The following QKI variants were observed in gnomAD, a reference collection of about 807,000 sequenced individuals.
QKI encodes KH domain-containing RNA-binding protein QKI.
In QKI, 10 loss-of-function variants were observed where a neutral mutation model predicts 39.0. The ratio of observed to expected loss-of-function variants is 0.26; its 90% CI spans 0.16 to 0.43. The LOEUF (loss-of-function observed/expected upper bound fraction) is 0.43. QKI is among the 20% of genes least tolerant of loss of function. QKI has a pLI of 1.00. For synonymous variants in QKI, 204 were observed against 155.4 expected (o/e 1.31, Z -2.33); for missense variants, 218 against 428.0 (o/e 0.51, Z 4.33).
intron 3 of QKI, among the ~76,000 whole-genome samples, chr6:163,524,908 T>C (rs1264178960): frequency 6.6e-6 from 1 of 152,184 alleles, no homozygotes; most frequent in African/African-American, 2.4e-5. Context: ...TAAAACTCAT[T>C]GTAGCTCTGA....
intron 3 of QKI, among the ~76,000 whole-genome samples, chr6:163,527,001 G>T (rs1323120495): frequency 6.6e-6 from 1 of 152,018 alleles, no homozygotes; most frequent in East Asian, 1.9e-4. Context: ...AAATTATTTG[G>T]CAAAAAACAA....
At chr6:163,565,928 C>A in intron 6 of QKI, 1 of 1,612,860 alleles carries the variant, frequency 6.2e-7, no homozygotes, top group South Asian at 1.1e-5. Context: ...TTTTTAATTC[C>A]CTTCCTTTTA....
At chr6:163,542,582 G>A (rs1174341630) in intron 4 of QKI, among the ~76,000 whole-genome samples, 1 of 152,062 alleles carries the variant, frequency 6.6e-6, no homozygotes, top group African/African-American at 2.4e-5. Context: ...TCAGGCAACT[G>A]AAGTTCATTG....
chr6:163,554,711 A>G (rs1040970589), intron 4 of QKI, among the ~76,000 whole-genome samples: 5 of 152,166 alleles, frequency 3.3e-5, no homozygotes, highest in Admixed American at 2.0e-4. Flanking sequence ...ACATTGTTCA[A>G]TTTCTCCTTT....
intron 1 of QKI, chr6:163,423,740 A>G (rs912401423): frequency 6.6e-6 from 1 of 152,230 alleles, no homozygotes; most frequent in African/African-American, 2.4e-5. Flanking sequence ...TTTTTAGAGG[A>G]TTTCAGCTCA....
In QKI at chr6:163,534,822, T is replaced by A. The variant is rs189721973; in HGVS notation, c.403-160T>A. The stretch of plus-strand genomic sequence containing the variant: ...TTTGACCCAGTAGTCTCACATTCAA[T>A]CAAACTTTGAGGACCCAGAAAAATA... On this transcript the variant is annotated intron_variant, in intron 3 of 7. Coordinates refer to ENST00000361752, the MANE Select transcript of QKI (RefSeq NM_006775.3). 749 of 550,284 alleles carry A rather than the reference T, an allele frequency of 1.4e-3. 2 individuals are homozygous for A. The highest frequency in any genetic ancestry group is 2.0e-3 in the Non-Finnish European group (638 of 325,962). 34.1% of individuals were successfully genotyped at this position (550,284 alleles called of 1,614,324 possible).
At chr6:163,446,286 G>A (rs1458043706) in intron 1 of QKI, among the ~76,000 whole-genome samples, 1 of 152,052 alleles carries the variant, frequency 6.6e-6, no homozygotes, top group Non-Finnish European at 1.5e-5. Flanking sequence ...AATACATTGA[G>A]ATAATTCAAA....
intron 1 of QKI, among the ~76,000 whole-genome samples, chr6:163,454,584 C>T (rs1443602302): frequency 2.0e-5 from 3 of 152,110 alleles, no homozygotes; most frequent in Non-Finnish European, 2.9e-5. Context: ...TTCTTAGCTT[C>T]TATAACACCT....
chr6:163,421,210 A>T (rs1582951655), intron 1 of QKI, among the ~76,000 whole-genome samples: 1 of 152,220 alleles, frequency 6.6e-6, no homozygotes, highest in African/African-American at 2.4e-5. Context: ...CAACTTAAAA[A>T]CATGTCATGT....
At chr6:163,465,690 T>C (rs1380015629) in intron 2 of QKI, among the ~76,000 whole-genome samples, 2 of 151,734 alleles carry the variant, frequency 1.3e-5, no homozygotes, top group African/African-American at 4.8e-5. Flanking sequence ...ATTATCTTTA[T>C]TTGCAGTGGC....
At chr6:163,439,064 C>T (rs1247871975) in intron 1 of QKI, among the ~76,000 whole-genome samples, 2 of 152,112 alleles carry the variant, frequency 1.3e-5, no homozygotes, top group East Asian at 3.9e-4. Flanking sequence ...TAACCTAGGC[C>T]TGCACAGGGT....
chr6:163,465,464 T>C (rs555201569), intron 2 of QKI, among the ~76,000 whole-genome samples: 3 of 149,922 alleles, frequency 2.0e-5, no homozygotes, highest in African/African-American at 7.4e-5. Context: ...CTGTCTCTAC[T>C]AAAAAATACA....
At chr6:163,563,165 A>G (rs138883379) in intron 5 of QKI, among the ~76,000 whole-genome samples, 62 of 152,294 alleles carry the variant, frequency 4.1e-4, no homozygotes, top group African/African-American at 1.5e-3. Context: ...AATATAACCT[A>G]TTTAATGGTG....
chr6:163,492,297 G>A (rs1478309477), intron 3 of QKI, among the ~76,000 whole-genome samples: 1 of 152,076 alleles, frequency 6.6e-6, no homozygotes, highest in South Asian at 2.1e-4. Context: ...AGTTATGAGA[G>A]ACCACTATTA....
chr6:163,531,255 C>T (rs1396277082), intron 3 of QKI, among the ~76,000 whole-genome samples: 1 of 152,190 alleles, frequency 6.6e-6, no homozygotes, highest in Non-Finnish European at 1.5e-5. Context: ...GGTTCCCTTG[C>T]TCTGCATTTG....
intron 4 of QKI, among the ~76,000 whole-genome samples, chr6:163,543,947 TACTG>T (rs1370231400): frequency 2.0e-5 from 3 of 152,260 alleles, no homozygotes; most frequent in East Asian, 1.9e-4. Flanking sequence ...GTTAACCAGA[TACTG>T]ACTTTAATTT....
At chr6:163,424,811 A>T (rs1340266364) in intron 1 of QKI, among the ~76,000 whole-genome samples, 1 of 151,584 alleles carries the variant, frequency 6.6e-6, no homozygotes, top group Admixed American at 6.6e-5. Flanking sequence ...GCTGTATTTT[A>T]GTAGAGACAG....
intron 2 of QKI, among the ~76,000 whole-genome samples, chr6:163,475,872 G>A (rs1230320): frequency 0.072 from 10,899 of 152,084 alleles, 441 homozygotes; most frequent in South Asian, 0.09. Flanking sequence ...AGATAAGGTT[G>A]AAAATTTGAA....
At chr6:163,482,701 A>G (rs1256738685) in intron 3 of QKI, among the ~76,000 whole-genome samples, 1 of 152,290 alleles carries the variant, frequency 6.6e-6, no homozygotes, top group Non-Finnish European at 1.5e-5. Context: ...ATAGGGCAAG[A>G]CATGTGGGAA....
Sources: allele counts gnomAD v4.1 joint callset (sites outside exome capture counted in the v4.1 genomes callset), GRCh38; gene constraint gnomAD v4.1.1; transcripts MANE v1.5; gene names NCBI Gene and HGNC (gene_info 2026-07-23, HGNC 2026-07-21).